Variants in GCNT2 observed in about 807,000 individuals in gnomAD.
The protein encoded by GCNT2 is N-acetyllactosaminide beta-1,6-N-acetylglucosaminyl-transferase.
Under a neutral mutation model 34.2 loss-of-function variants are expected in GCNT2, and 34 were observed. The observed-to-expected ratio is 1.00, with a 90% CI of 0.76 to 1.32. GCNT2 has a LOEUF of 1.32. Ranked by LOEUF, GCNT2 falls within the 40% of genes most tolerant of loss-of-function variation. The probability of loss-of-function intolerance (pLI) is 0.00; values close to 1 mark genes in which losing one functional copy is unlikely to be tolerated. For synonymous variants in GCNT2, 212 were observed against 188.0 expected (o/e 1.13, Z -1.04); for missense variants, 584 against 489.4 (o/e 1.19, Z -1.82).
intron 1 of GCNT2, 178 bp from the exon 2 acceptor site, chr6:10,527,296 G>C (rs1252829002): frequency 6.6e-6 from 1 of 152,176 alleles, no homozygotes; most frequent in Non-Finnish European, 1.5e-5. Flanking sequence ...ATGGTGGCAG[G>C]TGTCTGTAAT....
Position 10,536,746 on chromosome 6 carries a change from C to G in GCNT2, c.925+6910C>G, listed in dbSNP as rs554116384. Among the ~76,000 whole-genome samples the G allele has an allele frequency of 2.0e-5, 3 of 149,386 alleles. No individual in the cohort carries two copies. In the East Asian group the frequency reaches 6.0e-4, roughly 30 times the overall value. On this transcript the variant is annotated intron_variant, in intron 3 of 4. Coordinates refer to ENST00000495262, the MANE Select transcript of GCNT2 (RefSeq NM_145649.5). Reference sequence around the variant, plus strand: ...TGAGATGGAGTCTCACTCTGTCACCCAGGCTGGAGTACAGTGGCGCAATCT... The same window carrying G: ...TGAGATGGAGTCTCACTCTGTCACCGAGGCTGGAGTACAGTGGCGCAATCT...
chr6:10,541,243 A>G (rs1193477849), intron 3 of GCNT2, among the ~76,000 whole-genome samples: 3 of 151,966 alleles, frequency 2.0e-5, no homozygotes, highest in African/African-American at 4.8e-5. Flanking sequence ...ATCAGCTCCC[A>G]CGTATGAGAA....
At chr6:10,623,996 T>G (rs1349378218) in intron 4 of GCNT2, among the ~76,000 whole-genome samples, 1 of 152,214 alleles carries the variant, frequency 6.6e-6, no homozygotes, top group Non-Finnish European at 1.5e-5. Context: ...TACCACCATC[T>G]GCCTTTTTTG....
intron 3 of GCNT2, among the ~76,000 whole-genome samples, chr6:10,582,604 A>G (rs1764173438): frequency 7.8e-6 from 1 of 128,444 alleles, no homozygotes; most frequent in Non-Finnish European, 1.7e-5. Context: ...ATATTTATAT[A>G]TTTATATAAA....
In GCNT2 at chr6:10,534,267, C is replaced by A. The variant is rs575145494; in HGVS notation, c.925+4431C>A. ...AGCAATTCTCCTGTCTCAGCCTCCGCAGCACCAGGGATTACAGGTGCATGA... is the reference window on the plus strand; with the variant it reads ...AGCAATTCTCCTGTCTCAGCCTCCGAAGCACCAGGGATTACAGGTGCATGA... On this transcript the variant is annotated intron_variant, in intron 3 of 4. Transcript: ENST00000495262. Among the ~76,000 whole-genome samples, 135 of 151,630 alleles carry A rather than the reference C, an allele frequency of 8.9e-4. 1 individual carries two copies. The highest frequency in any genetic ancestry group is 2.8e-3 in the African/African-American group (117 of 41,400).
Position 10,614,644 on chromosome 6 carries a change from A to AAAAAAAAAAAAAAG in GCNT2, c.926-6706_926-6705insAAAAAAAAAAAAGA, listed in dbSNP as rs1214651898. Among the ~76,000 whole-genome samples, 3 of 143,936 alleles carry AAAAAAAAAAAAAAG rather than the reference A, an allele frequency of 2.1e-5. 1 individual carries two copies. The highest frequency in any genetic ancestry group is 8.1e-5 in the African/African-American group (3 of 37,154). The allele number at this position is 143,936 out of a possible 152,430, so 94.4% of individuals were successfully genotyped here. A position where few individuals can be genotyped will look rare whatever the true frequency, so the allele number is the denominator to read the frequency against. ...CTGTCTCAAAAAAAAAAAAAAAAAA[A>AAAAAAAAAAAAAAG]AGAGAAAAAGAAGAAAGGTAGAAGA... is the stretch of plus-strand genomic sequence containing the variant. On this transcript the variant is annotated intron_variant, in intron 3 of 4. Coordinates refer to ENST00000495262, the MANE Select transcript of GCNT2 (RefSeq NM_145649.5).
chr6:10,615,801 C>T (rs1053498026), intron 3 of GCNT2, among the ~76,000 whole-genome samples: 6 of 152,210 alleles, frequency 3.9e-5, no homozygotes, highest in Non-Finnish European at 8.8e-5. Flanking sequence ...CCCGTTTAGA[C>T]CATAGAGGGC....
intron 3 of GCNT2, among the ~76,000 whole-genome samples, chr6:10,573,899 T>G (rs1199929423): frequency 6.6e-6 from 1 of 152,162 alleles, no homozygotes; most frequent in Non-Finnish European, 1.5e-5. Context: ...ATATTTCAGG[T>G]GGCAGAAGCA....
chr6:10,531,538 CA>C (rs1761489360), intron 3 of GCNT2, among the ~76,000 whole-genome samples: 1 of 152,146 alleles, frequency 6.6e-6, no homozygotes, highest in Non-Finnish European at 1.5e-5. Flanking sequence ...CATGTACAGC[CA>C]GGGGTGTAAA....
intron 3 of GCNT2, among the ~76,000 whole-genome samples, chr6:10,582,102 T>G (rs1764099047): frequency 2.1e-5 from 3 of 142,458 alleles, no homozygotes; most frequent in African/African-American, 2.6e-5. Flanking sequence ...ATATATCTCT[T>G]AAAGTACATA....
At chr6:10,524,194 C>T (rs540137800) in intron 1 of GCNT2, among the ~76,000 whole-genome samples, 201 of 151,762 alleles carry the variant, frequency 1.3e-3, no homozygotes, top group Middle Eastern at 3.5e-3. Flanking sequence ...TTCAACGGCT[C>T]CAAGCCTGTT....
intron 3 of GCNT2, among the ~76,000 whole-genome samples, chr6:10,580,295 T>G (rs1303048381): frequency 6.6e-6 from 1 of 152,034 alleles, no homozygotes. Flanking sequence ...GGATGCAGGC[T>G]CTCTCATTCC....
intron 3 of GCNT2, among the ~76,000 whole-genome samples, chr6:10,535,718 A>C (rs1761721658): frequency 6.6e-6 from 1 of 152,234 alleles, no homozygotes; most frequent in African/African-American, 2.4e-5. Flanking sequence ...CTCACATTAA[A>C]ATAGGAATGA....
intron 3 of GCNT2, among the ~76,000 whole-genome samples, chr6:10,569,480 C>T (rs1165230973): frequency 2.0e-5 from 3 of 152,128 alleles, no homozygotes; most frequent in Non-Finnish European, 4.4e-5. Flanking sequence ...AGCCACTGCA[C>T]CTGGCCCATG....
At chr6:10,621,551 C>T (rs1170470638) in intron 4 of GCNT2, 108 bp downstream of exon 4, 19 of 745,116 alleles carry the variant, frequency 2.5e-5, no homozygotes, top group Non-Finnish European at 4.6e-5. Flanking sequence ...TATATTTAGA[C>T]CAATCTGTTA....
chr6:10,587,447 A>G (rs1224542312), intron 3 of GCNT2, among the ~76,000 whole-genome samples: 1 of 152,238 alleles, frequency 6.6e-6, no homozygotes, highest in African/African-American at 2.4e-5. Flanking sequence ...ACAAGTAGCC[A>G]GGTCTCAGCT....
Position 10,600,662 on chromosome 6 carries a change from A to C in GCNT2, c.926-20689A>C, listed in dbSNP as rs567813575. 7.2e-5 allele frequency among the ~76,000 whole-genome samples: 11 copies of C among 152,272 alleles called. No individual in the cohort carries two copies. In the South Asian group the frequency reaches 1.0e-3, roughly 14 times the overall value. The stretch of plus-strand genomic sequence containing the variant: ...CGTATGTAGCCATTGAGGGCTGAGA[A>C]AGCGCTGCTGCTTCTTCTTTCTTTT... On this transcript the variant is annotated intron_variant, in intron 3 of 4. Transcript: ENST00000495262.
intron 3 of GCNT2, among the ~76,000 whole-genome samples, chr6:10,568,636 A>G (rs150798605): frequency 1.3e-5 from 2 of 152,198 alleles, no homozygotes; most frequent in African/African-American, 4.8e-5. Flanking sequence ...TGAATTATTC[A>G]GTATAGACAT....
chr6:10,623,230 G>A (rs1766116853), intron 4 of GCNT2, among the ~76,000 whole-genome samples: 1 of 95,164 alleles, frequency 1.1e-5, no homozygotes, highest in Admixed American at 1.1e-4. Flanking sequence ...TCTGAAGCAT[G>A]TTAATATATT....
Sources: gnomAD v4.1 joint callset for allele counts (sites outside exome capture counted in the v4.1 genomes callset) on GRCh38, gnomAD v4.1.1 for gene constraint, MANE v1.5 for transcripts, NCBI Gene and HGNC (gene_info 2026-07-23, HGNC 2026-07-21) for gene names.